Variants in SLC25A14 observed in about 807,000 individuals in gnomAD.
SLC25A14 encodes brain mitochondrial carrier protein 1.
A neutral mutation model predicts 28.1 loss-of-function variants in SLC25A14; 8 were observed. The ratio of observed to expected loss-of-function variants is 0.28; its 90% CI spans 0.17 to 0.51. SLC25A14 has a LOEUF of 0.51. Among genes scored for constraint, SLC25A14 ranks in the 20% least tolerant of loss-of-function variants. The probability of loss-of-function intolerance (pLI) is 0.97; values close to 1 mark genes in which losing one functional copy is unlikely to be tolerated. For missense variants in SLC25A14, 135 were observed against 263.8 expected, an observed-to-expected ratio of 0.51 and a Z score of 3.38; for synonymous variants, 74 against 90.6, an observed-to-expected ratio of 0.82 and a Z score of 1.04.
At chrX:130,358,523 C>T (rs1051537802) in intron 6 of SLC25A14, 117 bp from the exon 7 acceptor site, 2 of 465,944 alleles carry the variant, frequency 4.3e-6, no homozygotes, top group Non-Finnish European at 7.3e-6. Flanking sequence ...TCTGGGATTC[C>T]TGAATACTTC....
At chrX:130,343,224 A>C (rs912106582) in intron 2 of SLC25A14, among the ~76,000 whole-genome samples, 1 of 112,233 alleles carries the variant, frequency 8.9e-6, no homozygotes, top group Non-Finnish European at 1.9e-5. Context: ...AAATTTGTGA[A>C]TGGAGAGTTA....
At chrX:130,348,945 A>G (rs1346503550) in intron 4 of SLC25A14, among the ~76,000 whole-genome samples, 1 of 110,298 alleles carries the variant, frequency 9.1e-6, no homozygotes, top group Admixed American at 9.7e-5. Flanking sequence ...TGGTCTGACC[A>G]ATAGATTATT....
At chrX:130,353,502 A>C (rs1287496285) in intron 6 of SLC25A14, among the ~76,000 whole-genome samples, 1 of 111,813 alleles carries the variant, frequency 8.9e-6, no homozygotes, top group Non-Finnish European at 1.9e-5. Context: ...CAAGCCCTTC[A>C]AGTGATTTTG....
chrX:130,357,192 A>G (rs1247782903), intron 6 of SLC25A14, among the ~76,000 whole-genome samples: 1 of 112,155 alleles, frequency 8.9e-6, no homozygotes, highest in Non-Finnish European at 1.9e-5. Flanking sequence ...CAACATTTGT[A>G]TGTAGTATTT....
At chrX:130,344,990 T>C (rs746038135) in intron 2 of SLC25A14, among the ~76,000 whole-genome samples, 192 bp from the exon 3 acceptor site, 1 of 111,622 alleles carries the variant, frequency 9.0e-6, no homozygotes, top group Non-Finnish European at 1.9e-5. Flanking sequence ...CCCTACAAAA[T>C]GTCAGTAAAG....
chrX:130,346,546 A>G lies in SLC25A14; in HGVS notation c.172A>G (p.Thr58Ala). Residue 58 changes from threonine (T) to alanine (A), a missense_variant and splice_region_variant, in exon 4 of 11, where the codon ACT becomes GCT. Coordinates refer to ENST00000545805, the MANE Select transcript of SLC25A14 (RefSeq NM_001282195.2). ...GLASIVAEFGTFPVDLTKTRL... is the reference protein window; with the variant it reads ...GLASIVAEFGAFPVDLTKTRL... ...TAAATAAGTGTGTTCCTTTATAGGG[A>G]CTTTCCCTGTGGACCTTACCAAAAC... The G allele has an allele frequency of 8.3e-7, 1 of 1,203,118 alleles. No homozygotes were observed. Among genetic ancestry groups the G allele is most frequent in the Non-Finnish European group, 1.1e-6 (1 of 888,470 alleles).
chrX:130,355,616 A>G, intron 6 of SLC25A14, among the ~76,000 whole-genome samples: 1 of 112,220 alleles, frequency 8.9e-6, no homozygotes, highest in Non-Finnish European at 1.9e-5. Context: ...TACATTTAAC[A>G]AAATTAACAT....
chrX:130,343,249 A>G (rs73229032), intron 2 of SLC25A14, among the ~76,000 whole-genome samples: 15,794 of 111,539 alleles, frequency 0.14, 995 homozygotes, highest in African/African-American at 0.24. Flanking sequence ...TTTCCTCACA[A>G]ACTCAAAGAG....
chrX:130,373,059 T>A lies in SLC25A14; in HGVS notation c.*109T>A. 1.7e-6 allele frequency: 1 copy of A among 591,075 alleles called. No individual in the cohort carries two copies. Among genetic ancestry groups the A allele is most frequent in the South Asian group, 3.0e-5 (1 of 33,669 alleles). 48.7% of individuals were successfully genotyped at this position (591,075 alleles called of 1,213,427 possible). A position where few individuals can be genotyped will look rare whatever the true frequency, so the allele number is the denominator to read the frequency against. Reference sequence around the variant, plus strand: ...TTGTAAGTGTTTACCAAGCCGTTGGTCTCCTAAGGGCCTCCTGATGGAAGA... The same window carrying A: ...TTGTAAGTGTTTACCAAGCCGTTGGACTCCTAAGGGCCTCCTGATGGAAGA... On this transcript the variant is annotated 3_prime_UTR_variant, in exon 11 of 11. Transcript: ENST00000545805.
chrX:130,362,329 A>ATGGC (rs1373161316), intron 7 of SLC25A14, among the ~76,000 whole-genome samples: 2 of 109,185 alleles, frequency 1.8e-5, no homozygotes, highest in Non-Finnish European at 3.8e-5. Context: ...GGAATAAAGA[A>ATGGC]TGGCTACTCC....
At chrX:130,372,589 A>C (rs2034293086) in intron 10 of SLC25A14, among the ~76,000 whole-genome samples, 1 of 108,445 alleles carries the variant, frequency 9.2e-6, no homozygotes, top group Admixed American at 9.9e-5. Context: ...CAGCCTCCCG[A>C]GTAGCTGGGA....
intron 7 of SLC25A14, among the ~76,000 whole-genome samples, chrX:130,362,101 TTTTA>T (rs756869110): frequency 0.023 from 2,191 of 95,729 alleles, 46 homozygotes; most frequent in African/African-American, 0.056. Context: ...TTCCACTTCA[TTTTA>T]TTTATTTATT....
At chrX:130,367,844 G>A (rs987848334) in intron 9 of SLC25A14, among the ~76,000 whole-genome samples, 8 of 111,967 alleles carry the variant, frequency 7.1e-5, no homozygotes, top group Admixed American at 1.9e-4. Context: ...GTGCAATGGC[G>A]TGATCTCTGC....
chrX:130,370,309 T>G (rs1294272924), intron 9 of SLC25A14, among the ~76,000 whole-genome samples: 5 of 112,402 alleles, frequency 4.4e-5, no homozygotes, highest in Non-Finnish European at 9.4e-5. Context: ...CTTCTCATAT[T>G]ATTGTCTTAT....
At chrX:130,372,812 C>A in intron 10 of SLC25A14, 97 bp from the exon 11 acceptor site, 1 of 630,217 alleles carries the variant, frequency 1.6e-6, no homozygotes, top group Non-Finnish European at 2.7e-6. Flanking sequence ...CTTGGAATAG[C>A]ATAGACTACC....
At position 130,358,705 on chromosome X, in the gene SLC25A14, C is replaced by T; in HGVS notation, c.564C>T (p.Tyr188=). ...GSMIGSFIDI[Y]QQEGTRGLWR... ...TGATTGGAAGCTTTATCGATATATA[C>T]CAACAAGAAGGCACCAGGGGTCTGT... The change falls in exon 7 of 11, where the codon TAC becomes TAT. Residue 188 remains tyrosine (Y), a synonymous_variant. Coordinates refer to ENST00000545805, the MANE Select transcript of SLC25A14 (RefSeq NM_001282195.2). 1 of 1,199,904 alleles carries T rather than the reference C, an allele frequency of 8.3e-7. No homozygotes were observed. Among genetic ancestry groups the T allele is most frequent in the African/African-American group, 1.7e-5 (1 of 57,571 alleles).
chrX:130,353,474 C>T (rs2033683017), intron 6 of SLC25A14, among the ~76,000 whole-genome samples: 1 of 111,717 alleles, frequency 9.0e-6, no homozygotes, highest in South Asian at 3.8e-4. Flanking sequence ...TAGGATGGGG[C>T]CCAGCAGTCT....
intron 3 of SLC25A14, among the ~76,000 whole-genome samples, chrX:130,346,154 T>C (rs1366745364): frequency 9.0e-6 from 1 of 111,028 alleles, no homozygotes; most frequent in African/African-American, 3.3e-5. Flanking sequence ...TGTGAAAATT[T>C]AGGGAGATTT....
chrX:130,355,076 A>C (rs976136188), intron 6 of SLC25A14, among the ~76,000 whole-genome samples: 1 of 112,701 alleles, frequency 8.9e-6, no homozygotes. Context: ...CTTACAGTAC[A>C]GTTTATAAAG....
Sources: gnomAD v4.1 joint callset for allele counts (sites outside exome capture counted in the v4.1 genomes callset) on GRCh38, gnomAD v4.1.1 for gene constraint, MANE v1.5 for transcripts, NCBI Gene and HGNC (gene_info 2026-07-23, HGNC 2026-07-21) for gene names.